IGSF3: variants seen among roughly 807,000 people sequenced by gnomAD.
IGSF3 encodes the protein glu-Trp-Ile EWI motif-containing protein 3.
A neutral mutation model predicts 114.4 loss-of-function variants in IGSF3; 23 were observed. That is an observed-to-expected ratio of 0.20 (90% CI 0.14 to 0.28). The LOEUF is 0.28. IGSF3 is among the 10% of genes least tolerant of loss of function. The probability of loss-of-function intolerance (pLI) is 1.00; values close to 1 mark genes in which losing one functional copy is unlikely to be tolerated. For synonymous variants in IGSF3, 571 were observed against 645.2 expected, an observed-to-expected ratio of 0.88 and a Z score of 1.74; for missense variants, 1,172 against 1,591.5, an observed-to-expected ratio of 0.74 and a Z score of 4.48.
chr1:116,597,723 C>A lies in IGSF3; in HGVS notation c.2029+2218G>T, dbSNP rs556520851. 8.5e-5 allele frequency among the ~76,000 whole-genome samples: 13 copies of A among 152,302 alleles called. No homozygotes were observed. The South Asian group carries it at 1.2e-3, about 15-fold the overall frequency. ...GATCTGGGGTCTCCCAACCCTCCAGCTACTTTACCCAGGAGGCAATTATGG... is the reference window on the plus strand; with the variant it reads ...GATCTGGGGTCTCCCAACCCTCCAGATACTTTACCCAGGAGGCAATTATGG... On this transcript the variant is annotated intron_variant, in intron 7 of 10. Transcript: ENST00000369486.
chr1:116,604,624 G>A (rs201663543), intron 5 of IGSF3, among the ~76,000 whole-genome samples: 1 of 152,152 alleles, frequency 6.6e-6, no homozygotes, highest in Admixed American at 6.5e-5. Flanking sequence ...TGTGAGGAGC[G>A]GGCTTTCATT....
At chr1:116,590,939 G>C in intron 7 of IGSF3, among the ~76,000 whole-genome samples, 1 of 152,288 alleles carries the variant, frequency 6.6e-6, no homozygotes, top group East Asian at 1.9e-4. Context: ...GCAGTAAATC[G>C]GACATTCTCT....
chr1:116,638,086 T>A lies in IGSF3; in HGVS notation c.44-21629A>T, dbSNP rs1417476146. Among the ~76,000 whole-genome samples the A allele has an allele frequency of 6.6e-6, 1 of 152,144 alleles. No individual in the cohort carries two copies. Among genetic ancestry groups the A allele is most frequent in the Non-Finnish European group, 1.5e-5 (1 of 68,034 alleles). Reference sequence around the variant, plus strand: ...AACTTTGATGCCAAATCCCATGCCATCCCACACATCTTAAAAATAAACCAA... The same window carrying A: ...AACTTTGATGCCAAATCCCATGCCAACCCACACATCTTAAAAATAAACCAA... On this transcript the variant is annotated intron_variant, in intron 2 of 10. Transcript: ENST00000369486. This position sits in a 1 kb window ranked among gnomAD's most constrained non-coding sequence, Gnocchi z 4.1.
Position 116,605,122 on chromosome 1 carries a change from A to C in IGSF3, c.1223-1097T>G, listed in dbSNP as rs959490402. Among the ~76,000 whole-genome samples, 11 of 152,160 alleles carry C rather than the reference A, an allele frequency of 7.2e-5. No homozygotes were observed. Among genetic ancestry groups the C allele is most frequent in the Non-Finnish European group, 1.5e-4 (10 of 68,030 alleles). On this transcript the variant is annotated intron_variant, in intron 5 of 10. Coordinates refer to ENST00000369486, the MANE Select transcript of IGSF3 (RefSeq NM_001007237.3). This position sits in a 1 kb window ranked among gnomAD's most constrained non-coding sequence, Gnocchi z 5.1. ...TGAGTTCAGAAGGTCTGTAAGTATT[A>C]AAGAACACAAAGTAACTAATTTGGC... is the stretch of plus-strand genomic sequence containing the variant.
In IGSF3 at chr1:116,614,298, A is replaced by T; in HGVS notation, c.422-123T>A. 2 of 749,836 alleles carry T rather than the reference A, an allele frequency of 2.7e-6. No homozygotes were observed. The highest frequency in any genetic ancestry group is 4.4e-6 in the Non-Finnish European group (2 of 454,454). 46.4% of individuals were successfully genotyped at this position (749,836 alleles called of 1,614,324 possible). A position where few individuals can be genotyped will look rare whatever the true frequency, so the allele number is the denominator to read the frequency against. On this transcript the variant is annotated intron_variant, in intron 3 of 10. Coordinates refer to ENST00000369486, the MANE Select transcript of IGSF3 (RefSeq NM_001007237.3). The surrounding 1 kb of genome is among the most constrained non-coding windows in gnomAD (Gnocchi z 4.5). Reference sequence around the variant, plus strand: ...CGCCCCTAACAGTCATCCTTGAACCATCGATTCAAGGCCACAGACAGCCCC... The same window carrying T: ...CGCCCCTAACAGTCATCCTTGAACCTTCGATTCAAGGCCACAGACAGCCCC...
rs1648887512 is a variant in IGSF3, at chr1:116,657,031, T to C, written c.43+9253A>G. Among the ~76,000 whole-genome samples the C allele has an allele frequency of 6.6e-6, 1 of 152,248 alleles. No homozygotes were observed. The highest frequency in any genetic ancestry group is 1.9e-4 in the East Asian group (1 of 5,206). ...TTCATCTTACGTTTACATAATACTT[T>C]ACCCCAATACATTTTGTCTGCTGTT... On this transcript the variant is annotated intron_variant, in intron 2 of 10. Transcript: ENST00000369486. This position sits in a 1 kb window ranked among gnomAD's most constrained non-coding sequence, Gnocchi z 4.2.
At chr1:116,653,195 T>A (rs975661940) in intron 2 of IGSF3, among the ~76,000 whole-genome samples, 6 of 152,066 alleles carry the variant, frequency 3.9e-5, no homozygotes, top group Non-Finnish European at 7.4e-5. Flanking sequence ...ACTTCAGTCA[T>A]CCCCGTTACA....
At position 116,599,844 on chromosome 1, in the gene IGSF3, G is replaced by A. The variant is rs150675855; in HGVS notation, c.2029+97C>T. On this transcript the variant is annotated intron_variant, in intron 7 of 10. Transcript: ENST00000369486. ...GTGTCTAAATGAAGAGCTGGGAAAG[G>A]GGGAAGTGACGCTAAGGGCTCCACG... The A allele has an allele frequency of 1.5e-3, 1,556 of 1,061,822 alleles. 27 individuals carry two copies. In the East Asian group the frequency reaches 0.034, roughly 23 times the overall value. The allele number at this position is 1,061,822 out of a possible 1,614,324, so 65.8% of individuals were successfully genotyped here.
Position 116,610,516 on chromosome 1 carries a change from C to T in IGSF3, c.833-2185G>A, listed in dbSNP as rs1227711884. Among the ~76,000 whole-genome samples the T allele has an allele frequency of 6.6e-6, 1 of 152,172 alleles. No homozygotes were observed. The highest frequency in any genetic ancestry group is 1.5e-5 in the Non-Finnish European group (1 of 68,024). On this transcript the variant is annotated intron_variant, in intron 4 of 10. Transcript: ENST00000369486. The surrounding 1 kb of genome is among the most constrained non-coding windows in gnomAD (Gnocchi z 4.3). ...GCTTTTTCCAATACCCCTTCCACTT[C>T]ATCTCACTGAAATTAGGCTTCACTG...
In IGSF3 at chr1:116,666,310, G is replaced by A. The variant is rs757595219; in HGVS notation, c.17C>T (p.Pro6Leu). The change falls in exon 2 of 11, where the codon CCG becomes CTG. Residue 6 changes from proline to leucine, a missense_variant. By Grantham distance (98) the Pro-to-Leu change is moderately conservative. Transcript: ENST00000369486. MKCFF[P>L]VLSCLAVLGV... is the part of the protein sequence containing the mutation. The stretch of plus-strand genomic sequence containing the variant: ...CAGCACAGCCAGACAGCTCAGCACC[G>A]GGAAAAAGCACTTCATGTCGGCAGC... 33 of 1,613,978 alleles carry A rather than the reference G, an allele frequency of 2.0e-5. No homozygotes were observed. The highest frequency in any genetic ancestry group is 2.5e-5 in the Non-Finnish European group (30 of 1,179,984).
In IGSF3 at chr1:116,604,011, C is replaced by A; in HGVS notation, c.1237G>T (p.Val413Leu). 6.2e-7 allele frequency: 1 copy of A among 1,606,476 alleles called. No individual in the cohort carries two copies. The highest frequency in any genetic ancestry group is 8.5e-7 in the Non-Finnish European group (1 of 1,178,508). The change falls in exon 6 of 11, where the codon GTG becomes TTG. Residue 413 changes from valine (V) to leucine (L), a missense_variant. Physicochemically the swap from Val to Leu is conservative, Grantham distance 32 (BLOSUM62 1). This residue lies in a region of IGSF3 where 736 missense variants were observed against 1,042.0 expected (regional missense o/e 0.71). Transcript: ENST00000369486. Reference protein sequence around the residue: ...IVLPLKSSISVEVASNASVIL... With the variant: ...IVLPLKSSISLEVASNASVIL... ...ACGCTGGCATTGCTGGCCACCTCCA[C>A]GGAGATGCTGCTCTCTAGGAAGAGG...
chr1:116,580,027 T>G (rs543851200), intron 9 of IGSF3, 150 bp from the exon 10 acceptor site: 2 of 740,410 alleles, frequency 2.7e-6, no homozygotes, highest in African/African-American at 1.8e-5. Flanking sequence ...GTGCTACAGG[T>G]GGAAGTTGAT....
In IGSF3 at chr1:116,629,403, T is replaced by C. The variant is rs1428258706; in HGVS notation, c.44-12946A>G. Among the ~76,000 whole-genome samples, 1 of 152,258 alleles carries C rather than the reference T, an allele frequency of 6.6e-6. No homozygotes were observed. The highest frequency in any genetic ancestry group is 1.5e-5 in the Non-Finnish European group (1 of 68,050). On this transcript the variant is annotated intron_variant, in intron 2 of 10. Transcript: ENST00000369486. The surrounding 1 kb of genome is among the most constrained non-coding windows in gnomAD (Gnocchi z 4.3). Reference sequence around the variant, plus strand: ...TTTTTTCTTTGCACTTTGTGTTTTCTAAGTATTCCATAGTCTGAATGAATT... The same window carrying C: ...TTTTTTCTTTGCACTTTGTGTTTTCCAAGTATTCCATAGTCTGAATGAATT...
At chr1:116,581,863 G>C (rs759730297) in intron 9 of IGSF3, among the ~76,000 whole-genome samples, 1 of 152,150 alleles carries the variant, frequency 6.6e-6, no homozygotes, top group Non-Finnish European at 1.5e-5. Flanking sequence ...GAGACCAAGG[G>C]GAGCCCCCCA....
At position 116,606,513 on chromosome 1, in the gene IGSF3, G is replaced by T. The variant is rs138784285; in HGVS notation, c.1222+1429C>A. On this transcript the variant is annotated intron_variant, in intron 5 of 10. Coordinates refer to ENST00000369486, the MANE Select transcript of IGSF3 (RefSeq NM_001007237.3). The stretch of plus-strand genomic sequence containing the variant: ...TTACCCAAGTGGCCTTGGGACAGGA[G>T]CTGGTGGTGCTGGGGGACTTTAACT... The T allele has an allele frequency of 1.3e-4, 176 of 1,377,792 alleles. No individual in the cohort carries two copies. The Admixed American group carries it at 1.4e-3, about 11-fold the overall frequency. The allele number at this position is 1,377,792 out of a possible 1,614,324, so 85.3% of individuals were successfully genotyped here.
In IGSF3 at chr1:116,627,892, C is replaced by T. The variant is rs1647373374; in HGVS notation, c.44-11435G>A. ...TGAATTGGGGTCTCCAAAGGAACCT[C>T]AGAGCCGTGTCCTACTCAGAGCAGC... On this transcript the variant is annotated intron_variant, in intron 2 of 10. Coordinates refer to ENST00000369486, the MANE Select transcript of IGSF3 (RefSeq NM_001007237.3). The surrounding 1 kb of genome is among the most constrained non-coding windows in gnomAD (Gnocchi z 4.7). Among the ~76,000 whole-genome samples the T allele has an allele frequency of 6.6e-6, 1 of 152,212 alleles. No individual in the cohort carries two copies. Among genetic ancestry groups the T allele is most frequent in the Non-Finnish European group, 1.5e-5 (1 of 68,042 alleles).
chr1:116,611,977 C>G (rs2101484606), intron 4 of IGSF3, among the ~76,000 whole-genome samples: 2 of 152,276 alleles, frequency 1.3e-5, no homozygotes, highest in Middle Eastern at 6.8e-3. Context: ...GTTGGAGATG[C>G]AACTGCTGAA....
In IGSF3 at chr1:116,607,693, T is replaced by C. The variant is rs1180151001; in HGVS notation, c.1222+249A>G. On this transcript the variant is annotated intron_variant, in intron 5 of 10. Transcript: ENST00000369486. This position sits in a 1 kb window ranked among gnomAD's most constrained non-coding sequence, Gnocchi z 6.1. ...GGCTGCTAGCAATCAGATAGGCCTA[T>C]GCCCAGCCCTAGACTGCCCTGATTC... 6.6e-6 allele frequency among the ~76,000 whole-genome samples: 1 copy of C among 152,174 alleles called. No individual in the cohort carries two copies. The highest frequency in any genetic ancestry group is 2.4e-5 in the African/African-American group (1 of 41,452).
chr1:116,579,823 G>GC lies in IGSF3; in HGVS notation c.2902dup (p.Ala968GlyfsTer8). 1 of 1,613,300 alleles carries GC rather than the reference G, an allele frequency of 6.2e-7. No homozygotes were observed. Among genetic ancestry groups the GC allele is most frequent in the Non-Finnish European group, 8.5e-7 (1 of 1,179,926 alleles). On this transcript the variant is annotated frameshift_variant, in exon 10 of 11. Transcript: ENST00000369486. LOFTEE classifies it high-confidence loss of function. The surrounding 1 kb of genome is among the most constrained non-coding windows in gnomAD (Gnocchi z 6.4). ...GATGCTACAGTCCAGCTGGAAAGCT[G>GC]CCTTCTCAGAGACCGTGGCATTGGG...
Sources: allele counts gnomAD v4.1 joint callset (sites outside exome capture counted in the v4.1 genomes callset), GRCh38; gene constraint gnomAD v4.1.1; regional missense constraint gnomAD v4.1.1; non-coding constraint Gnocchi (gnomAD v3.1); transcripts MANE v1.5; gene names NCBI Gene and HGNC (gene_info 2026-07-23, HGNC 2026-07-21).